Variants in GPR63 observed in about 807,000 individuals in gnomAD.
GPR63 encodes the protein probable G protein-coupled receptor 63.
In GPR63, 12 loss-of-function variants were observed where a neutral mutation model predicts 23.1. The ratio of observed to expected loss-of-function variants is 0.52; its 90% CI spans 0.33 to 0.84. The LOEUF (loss-of-function observed/expected upper bound fraction) is 0.84. Among genes scored for constraint, GPR63 ranks in the 40% least tolerant of loss-of-function variants. The probability of loss-of-function intolerance (pLI) is 0.02; values close to 1 mark genes in which losing one functional copy is unlikely to be tolerated. For missense variants in GPR63, 472 were observed against 515.6 expected, an observed-to-expected ratio of 0.92 and a Z score of 0.82; for synonymous variants, 172 against 191.1, an observed-to-expected ratio of 0.90 and a Z score of 0.82.
At position 96,799,301 on chromosome 6, in the gene GPR63, G is replaced by C. The variant is rs758890129; in HGVS notation, c.431C>G (p.Thr144Ser). 1 of 1,614,154 alleles carries C rather than the reference G, an allele frequency of 6.2e-7. No individual in the cohort carries two copies. Among genetic ancestry groups the C allele is most frequent in the African/African-American group, 1.3e-5 (1 of 75,038 alleles). ...NMPFALVTIL[T>S]TRWIFGKFFC... is the part of the protein sequence containing the mutation. Reference sequence around the variant, plus strand: ...GAATTTCCCAAAAATCCATCGGGTAGTAAGAATAGTTACCAGGGCAAAGGG... The same window carrying C: ...GAATTTCCCAAAAATCCATCGGGTACTAAGAATAGTTACCAGGGCAAAGGG... The change falls in exon 2 of 2, where the codon ACT (threonine) becomes AGT (serine). Residue 144 changes from threonine (T) to serine (S), a missense_variant. Coordinates refer to ENST00000229955, the MANE Select transcript of GPR63 (RefSeq NM_030784.4).
chr6:96,800,704 C>T (rs1309921956), intron 1 of GPR63, among the ~76,000 whole-genome samples: 3 of 152,112 alleles, frequency 2.0e-5, no homozygotes, highest in Non-Finnish European at 4.4e-5. Context: ...CACTGACTTT[C>T]ATCCTTTCTT....
intron 1 of GPR63, among the ~76,000 whole-genome samples, chr6:96,814,243 C>T (rs1774109415): frequency 6.6e-6 from 1 of 151,856 alleles, no homozygotes; most frequent in Admixed American, 6.6e-5. Context: ...TGTAACTTGC[C>T]CAAGGTCACA....
chr6:96,815,190 T>A (rs986503405), intron 1 of GPR63, among the ~76,000 whole-genome samples: 2 of 152,188 alleles, frequency 1.3e-5, no homozygotes, highest in Non-Finnish European at 2.9e-5. Flanking sequence ...TTTAACTTCA[T>A]GTGAGGAAGC....
rs1773631386 is a variant in GPR63 at position 96,797,834 on chromosome 6, A to C, written c.*638T>G. 1 of 152,288 alleles carries C rather than the reference A, an allele frequency of 6.6e-6. No individual in the cohort carries two copies. The highest frequency in any genetic ancestry group is 1.5e-5 in the Non-Finnish European group (1 of 68,088). 9.4% of individuals were successfully genotyped at this position (152,288 alleles called of 1,614,324 possible). On this transcript the variant is annotated 3_prime_UTR_variant, in exon 2 of 2. Coordinates refer to ENST00000229955, the MANE Select transcript of GPR63 (RefSeq NM_030784.4). ...TCTTTTACAACTGTACATGCAGATA[A>C]AACATTTCTTAAAACTATCTTCCCA...
At position 96,799,293 on chromosome 6, in the gene GPR63, A is replaced by G. The variant is rs1773690981; in HGVS notation, c.439T>C (p.Trp147Arg). 2 of 1,614,196 alleles carry G rather than the reference A, an allele frequency of 1.2e-6. No individual in the cohort carries two copies. The highest frequency in any genetic ancestry group is 1.7e-6 in the Non-Finnish European group (2 of 1,180,032). The change falls in exon 2 of 2, where the codon TGG becomes CGG. Residue 147 changes from tryptophan (W) to arginine (R), a missense_variant. Coordinates refer to ENST00000229955, the MANE Select transcript of GPR63 (RefSeq NM_030784.4). ...FALVTILTTR[W>R]IFGKFFCRVS... ...CTACAGAAGAATTTCCCAAAAATCCATCGGGTAGTAAGAATAGTTACCAGG... is the reference window on the plus strand; with the variant it reads ...CTACAGAAGAATTTCCCAAAAATCCGTCGGGTAGTAAGAATAGTTACCAGG...
At chr6:96,827,742 G>A (rs1774479917) in intron 1 of GPR63, among the ~76,000 whole-genome samples, 1 of 152,004 alleles carries the variant, frequency 6.6e-6, no homozygotes, top group South Asian at 2.1e-4. Context: ...ACAATGAAAT[G>A]ATATTTTTGA....
rs1773653428 is a variant in GPR63 at position 96,798,517 on chromosome 6, A to G, written c.1215T>C (p.Arg405=). ...QLPGHTKRRI[R]PSAVYVCGEH... is the part of the protein sequence containing the mutation. ...CCCCACACACATAGACAGCACTAGG[A>G]CGTATCCGTCGCTTTGTGTGACCAG... The change falls in exon 2 of 2, where the codon CGT becomes CGC. Residue 405 remains arginine (R), a synonymous_variant. Coordinates refer to ENST00000229955, the MANE Select transcript of GPR63 (RefSeq NM_030784.4). 6.2e-7 allele frequency: 1 copy of G among 1,614,094 alleles called. No individual in the cohort carries two copies. Among genetic ancestry groups the G allele is most frequent in the African/African-American group, 1.3e-5 (1 of 74,938 alleles).
intron 1 of GPR63, among the ~76,000 whole-genome samples, chr6:96,832,614 G>GA (rs1249056452): frequency 6.6e-6 from 1 of 151,720 alleles, no homozygotes; most frequent in East Asian, 1.9e-4. Context: ...TCTAAAGTAA[G>GA]AAAAAAATCT....
intron 1 of GPR63, among the ~76,000 whole-genome samples, 156 bp from the exon 2 acceptor site, chr6:96,800,037 G>A (rs576677657): frequency 4.6e-5 from 7 of 152,188 alleles, no homozygotes; most frequent in African/African-American, 7.2e-5. Context: ...CTAAAATATC[G>A]TTCTGTTATT....
Position 96,801,625 on chromosome 6 carries a change from T to C in GPR63, c.-150-1744A>G, listed in dbSNP as rs940988340. Among the ~76,000 whole-genome samples the C allele has an allele frequency of 1.1e-4, 17 of 152,334 alleles. No individual in the cohort carries two copies. In the Middle Eastern group the frequency reaches 0.01, roughly 91 times the overall value. Reference sequence around the variant, plus strand: ...GTAGCCAAATCAGGGACTCTCTACATACCTATAGCTCTACAATCCCATCTT... The same window carrying C: ...GTAGCCAAATCAGGGACTCTCTACACACCTATAGCTCTACAATCCCATCTT... On this transcript the variant is annotated intron_variant, in intron 1 of 1. Coordinates refer to ENST00000229955, the MANE Select transcript of GPR63 (RefSeq NM_030784.4).
intron 1 of GPR63, among the ~76,000 whole-genome samples, chr6:96,801,681 A>G (rs1773769198): frequency 6.6e-6 from 1 of 152,226 alleles, no homozygotes; most frequent in African/African-American, 2.4e-5. Flanking sequence ...TATAAAAAGA[A>G]GAATCCTGAT....
At chr6:96,820,460 C>G (rs537513431) in intron 1 of GPR63, among the ~76,000 whole-genome samples, 5 of 152,150 alleles carry the variant, frequency 3.3e-5, no homozygotes, top group South Asian at 2.1e-4. Context: ...GGTGCTTTAC[C>G]TAGTCACTAC....
At chr6:96,833,028 G>GCT (rs1256731681) in intron 1 of GPR63, among the ~76,000 whole-genome samples, 1 of 151,288 alleles carries the variant, frequency 6.6e-6, no homozygotes, top group African/African-American at 2.4e-5. Flanking sequence ...CAAGCTGAGA[G>GCT]AACAGACTTT....
chr6:96,829,090 A>G (rs530977212), intron 1 of GPR63, among the ~76,000 whole-genome samples: 1 of 152,390 alleles, frequency 6.6e-6, no homozygotes, highest in South Asian at 2.1e-4. Flanking sequence ...TCAAGTAGAT[A>G]AAAACATGAA....
Position 96,805,773 on chromosome 6 carries a change from T to G in GPR63, c.-150-5892A>C, listed in dbSNP as rs932727064. ...AAAGTAAACCAAAAGCAACATTTCA[T>G]TCCTGCAGAGATTGCAAAGATTAGA... On this transcript the variant is annotated intron_variant, in intron 1 of 1. Transcript: ENST00000229955. Among the ~76,000 whole-genome samples, 11 of 152,334 alleles carry G rather than the reference T, an allele frequency of 7.2e-5. No individual in the cohort carries two copies. The East Asian group carries it at 1.3e-3, about 19-fold the overall frequency.
In GPR63 at chr6:96,798,377, C is replaced by A; in HGVS notation, c.*95G>T. 1 of 1,306,674 alleles carries A rather than the reference C, an allele frequency of 7.7e-7. No individual in the cohort carries two copies. Among genetic ancestry groups the A allele is most frequent in the Non-Finnish European group, 1.1e-6 (1 of 947,988 alleles). The allele number at this position is 1,306,674 out of a possible 1,614,324, so 80.9% of individuals were successfully genotyped here. A position where few individuals can be genotyped will look rare whatever the true frequency, so the allele number is the denominator to read the frequency against. ...TGCTCACACACATACATACACAAAC[C>A]CTATAAAAAAAAATAAAGTGGAGAG... On this transcript the variant is annotated 3_prime_UTR_variant, in exon 2 of 2. Transcript: ENST00000229955.
At chr6:96,818,948 T>C (rs1774230187) in intron 1 of GPR63, among the ~76,000 whole-genome samples, 1 of 152,162 alleles carries the variant, frequency 6.6e-6, no homozygotes, top group African/African-American at 2.4e-5. Context: ...ATTAGAGAAA[T>C]GCAAATCAAA....
chr6:96,808,096 T>A lies in GPR63; in HGVS notation c.-150-8215A>T, dbSNP rs369787467. 6.1e-4 allele frequency among the ~76,000 whole-genome samples: 93 copies of A among 152,320 alleles called. 1 individual carries two copies. The South Asian group carries it at 0.018, about 30-fold the overall frequency. On this transcript the variant is annotated intron_variant, in intron 1 of 1. Coordinates refer to ENST00000229955, the MANE Select transcript of GPR63 (RefSeq NM_030784.4). ...TGTTTTCTTTTACATATCACATGTATGTTTTCAAAAACATATTGCTAAATT... is the reference window on the plus strand; with the variant it reads ...TGTTTTCTTTTACATATCACATGTAAGTTTTCAAAAACATATTGCTAAATT...
At chr6:96,820,194 C>T (rs1315413433) in intron 1 of GPR63, among the ~76,000 whole-genome samples, 1 of 151,900 alleles carries the variant, frequency 6.6e-6, no homozygotes, top group Non-Finnish European at 1.5e-5. Flanking sequence ...TTAAAAAAAA[C>T]TCTGTTCCTT....
Sources: allele counts gnomAD v4.1 joint callset (sites outside exome capture counted in the v4.1 genomes callset), GRCh38; gene constraint gnomAD v4.1.1; transcripts MANE v1.5; gene names NCBI Gene and HGNC (gene_info 2026-07-23, HGNC 2026-07-21).